The following DSCAML1 variants were observed in gnomAD, a reference collection of about 807,000 sequenced individuals.
DSCAML1 encodes DS cell adhesion molecule like 1.
In DSCAML1, 38 loss-of-function variants were observed where a neutral mutation model predicts 200.5. That is an observed-to-expected ratio of 0.19 (90% CI 0.15 to 0.25). DSCAML1 has a LOEUF of 0.25. DSCAML1 is among the 10% of genes least tolerant of loss of function. The pLI is 1.00. For synonymous variants in DSCAML1, 1,215 were observed against 1,165.0 expected (o/e 1.04, Z -0.87); for missense variants, 2,223 against 2,858.8 (o/e 0.78, Z 5.07).
intron 3 of DSCAML1, among the ~76,000 whole-genome samples, chr11:117,572,729 G>A (rs930782805): frequency 6.6e-6 from 1 of 152,204 alleles, no homozygotes; most frequent in African/African-American, 2.4e-5. Flanking sequence ...GAAGGCAAAT[G>A]AGTCCCTGCC....
intron 3 of DSCAML1, among the ~76,000 whole-genome samples, chr11:117,628,282 C>T (rs2052097565): frequency 6.6e-6 from 1 of 152,110 alleles, no homozygotes. Flanking sequence ...TTGCTCCCTC[C>T]AACACAACCA....
At chr11:117,582,588 A>G (rs1288645680) in intron 3 of DSCAML1, among the ~76,000 whole-genome samples, 1 of 152,216 alleles carries the variant, frequency 6.6e-6, no homozygotes, top group Non-Finnish European at 1.5e-5. Context: ...AAAGAGAGAG[A>G]GTTACTCATG....
At chr11:117,638,365 T>TGTGTGTGTGTGTGTG (rs1591350084) in intron 3 of DSCAML1, among the ~76,000 whole-genome samples, 1 of 131,486 alleles carries the variant, frequency 7.6e-6, no homozygotes, top group South Asian at 2.3e-4. Context: ...TGTGTGTGTG[T>TGTGTGTGTGTGTGTG]TTGCAACCGC....
intron 3 of DSCAML1, among the ~76,000 whole-genome samples, chr11:117,553,133 C>G (rs570947117): frequency 6.6e-6 from 1 of 152,252 alleles, no homozygotes; most frequent in Admixed American, 6.5e-5. Flanking sequence ...GACAGACATT[C>G]ACAATGGATC....
rs1190934870 is a variant in DSCAML1, at chr11:117,427,992, C to T, written c.*336G>A. Reference sequence around the variant, plus strand: ...AATTGCTGAGTCTTTGTGCCTCTGTCTCAAAATAGGGTGAGAGAAATATAT... The same window carrying T: ...AATTGCTGAGTCTTTGTGCCTCTGTTTCAAAATAGGGTGAGAGAAATATAT... On this transcript the variant is annotated 3_prime_UTR_variant, in exon 33 of 33. Transcript: ENST00000651296. 5 of 171,066 alleles carry T rather than the reference C, an allele frequency of 2.9e-5. No individual in the cohort carries two copies. The highest frequency in any genetic ancestry group is 5.0e-5 in the Non-Finnish European group (4 of 80,694). 10.6% of individuals were successfully genotyped at this position (171,066 alleles called of 1,614,324 possible). A position where few individuals can be genotyped will look rare whatever the true frequency, so the allele number is the denominator to read the frequency against.
chr11:117,572,940 G>A (rs904105814), intron 3 of DSCAML1, among the ~76,000 whole-genome samples: 1 of 152,194 alleles, frequency 6.6e-6, no homozygotes, highest in Non-Finnish European at 1.5e-5. Flanking sequence ...CCTGTAGATT[G>A]AGCCCCATCA....
chr11:117,713,531 C>CA (rs1052113316), intron 3 of DSCAML1, among the ~76,000 whole-genome samples: 27 of 152,314 alleles, frequency 1.8e-4, no homozygotes, highest in African/African-American at 6.3e-4. Context: ...GGAATGACCA[C>CA]AATTTCCCAG....
intron 3 of DSCAML1, among the ~76,000 whole-genome samples, chr11:117,624,700 T>C (rs1418047943): frequency 6.6e-6 from 1 of 152,100 alleles, no homozygotes; most frequent in Non-Finnish European, 1.5e-5. Flanking sequence ...GTTATTCTCC[T>C]TCAAAAGCTC....
chr11:117,508,283 G>A (rs956381242), intron 8 of DSCAML1, among the ~76,000 whole-genome samples: 6 of 152,044 alleles, frequency 3.9e-5, no homozygotes, highest in African/African-American at 7.2e-5. Context: ...TGAAGCCTTC[G>A]GTCCACACCT....
intron 1 of DSCAML1, among the ~76,000 whole-genome samples, chr11:117,812,821 A>G (rs554996181): frequency 0.015 from 2,293 of 149,000 alleles, 49 homozygotes; most frequent in Middle Eastern, 0.09. Context: ...AGTGCAGTCA[A>G]AATTCTTACA....
At chr11:117,449,272 C>T (rs2048238129) in intron 20 of DSCAML1, among the ~76,000 whole-genome samples, 1 of 151,976 alleles carries the variant, frequency 6.6e-6, no homozygotes, top group Non-Finnish European at 1.5e-5. Context: ...GTGCTCTGGG[C>T]GCTGCTGCTT....
intron 3 of DSCAML1, among the ~76,000 whole-genome samples, chr11:117,691,363 A>G (rs2053491094): frequency 6.6e-6 from 1 of 152,098 alleles, no homozygotes. Flanking sequence ...CCCTCTGCCA[A>G]CGGCCTCCCC....
At chr11:117,686,789 C>A (rs1214013993) in intron 3 of DSCAML1, among the ~76,000 whole-genome samples, 1 of 152,162 alleles carries the variant, frequency 6.6e-6, no homozygotes, top group African/African-American at 2.4e-5. Flanking sequence ...AGGCAAGGAC[C>A]ACCCAGGCCA....
chr11:117,630,686 A>AAAAAG (rs1555192467), intron 3 of DSCAML1, among the ~76,000 whole-genome samples: 2 of 140,350 alleles, frequency 1.4e-5, no homozygotes, highest in African/African-American at 5.3e-5. Flanking sequence ...AAAAAAAAAG[A>AAAAAG]GGCATAGGGT....
At chr11:117,439,572 C>T in intron 22 of DSCAML1, 143 bp from the exon 23 acceptor site, 2 of 1,169,118 alleles carry the variant, frequency 1.7e-6, no homozygotes, top group Non-Finnish European at 2.4e-6. Context: ...TTGCTCAGCA[C>T]TCCCTGGGGG....
At position 117,780,348 on chromosome 11, in the gene DSCAML1, C is replaced by G; in HGVS notation, c.364+145G>C. The G allele has an allele frequency of 1.8e-6, 1 of 551,196 alleles. No individual in the cohort carries two copies. The highest frequency in any genetic ancestry group is 4.0e-5 in the Admixed American group (1 of 24,862). The allele number at this position is 551,196 out of a possible 1,614,324, so 34.1% of individuals were successfully genotyped here. On this transcript the variant is annotated intron_variant, in intron 2 of 32. Coordinates refer to ENST00000651296, the MANE Select transcript of DSCAML1 (RefSeq NM_020693.4). This position sits in a 1 kb window ranked among gnomAD's most constrained non-coding sequence, Gnocchi z 4.8. ...GGTGTCTCTTATGCCTATGGACACA[C>G]AGCAAGTGGTACAACAAAGATTCAA...
chr11:117,783,042 A>C (rs192319863), intron 1 of DSCAML1, among the ~76,000 whole-genome samples: 2 of 152,336 alleles, frequency 1.3e-5, no homozygotes, highest in African/African-American at 4.8e-5. Context: ...CACCTTCCTC[A>C]GACATAACCT....
At chr11:117,486,097 C>T (rs2049042567) in intron 11 of DSCAML1, among the ~76,000 whole-genome samples, 1 of 152,230 alleles carries the variant, frequency 6.6e-6, no homozygotes, top group Non-Finnish European at 1.5e-5. Context: ...CATTACCAGA[C>T]TCCATGGAAA....
At chr11:117,643,824 T>C (rs1427644785) in intron 3 of DSCAML1, among the ~76,000 whole-genome samples, 1 of 152,192 alleles carries the variant, frequency 6.6e-6, no homozygotes, top group Non-Finnish European at 1.5e-5. Context: ...ACATGACCCC[T>C]GTCACCCTCT....
Sources: gnomAD v4.1 joint callset for allele counts (sites outside exome capture counted in the v4.1 genomes callset) on GRCh38, gnomAD v4.1.1 for gene constraint, Gnocchi (gnomAD v3.1) non-coding constraint, MANE v1.5 for transcripts, NCBI Gene and HGNC (gene_info 2026-07-23, HGNC 2026-07-21) for gene names.